The following ZNF226 variants were observed in gnomAD, a reference collection of about 807,000 sequenced individuals.
ZNF226 encodes the protein zinc finger protein 226, also known as Kruppel-associated box protein.
ZNF226 carries 6 observed loss-of-function variants against 11.4 expected under a neutral mutation model. That is an observed-to-expected ratio of 0.53 (90% CI 0.29 to 1.04). The LOEUF is 1.04. Among genes scored for constraint, ZNF226 ranks in the 50% least tolerant of loss-of-function variants. The pLI is 0.08. For missense variants in ZNF226, 1,058 were observed against 956.5 expected (o/e 1.11, Z -1.40); for synonymous variants, 350 against 322.8 (o/e 1.08, Z -0.90).
the ZNF226 span, among the ~76,000 whole-genome samples, chr19:44,196,983 T>A: frequency 6.6e-6 from 1 of 152,330 alleles, no homozygotes; most frequent in East Asian, 1.9e-4. Context: ...CTCTCTCAAC[T>A]ATAATCACTT....
At chr19:44,165,833 G>A (rs1969303118) in intron 2 of ZNF226, 26 bp downstream of exon 2, 1 of 152,184 alleles carries the variant, frequency 6.6e-6, no homozygotes, top group South Asian at 2.1e-4. Context: ...TGTTATTCTT[G>A]TTTTATTCAC....
At position 44,176,973 on chromosome 19, in the gene ZNF226, A is replaced by C. The variant is rs1372684622; in HGVS notation, c.1711A>C (p.Ser571Arg). 6 of 1,613,930 alleles carry C rather than the reference A, an allele frequency of 3.7e-6. No individual in the cohort carries two copies. The South Asian group carries it at 6.6e-5, about 18-fold the overall frequency. Residue 571 changes from serine to arginine, a missense_variant, in exon 6 of 6, where the codon AGC becomes CGC. Coordinates refer to ENST00000337433, the MANE Select transcript of ZNF226 (RefSeq NM_001032373.2). Reference sequence around the variant, plus strand: ...GGAGTGTGGGCAGGGTTTCAATCAGAGCTCACGACTTCAGATTCACCAGCT... The same window carrying C: ...GGAGTGTGGGCAGGGTTTCAATCAGCGCTCACGACTTCAGATTCACCAGCT... ...CEECGQGFNQSSRLQIHQLIH... is the reference protein window; with the variant it reads ...CEECGQGFNQRSRLQIHQLIH...
chr19:44,183,271 G>T (rs1014895540), downstream of ZNF226, among the ~76,000 whole-genome samples: 7 of 152,116 alleles, frequency 4.6e-5, no homozygotes, highest in African/African-American at 1.7e-4. Flanking sequence ...AATAATTAAT[G>T]AATGTTTTTG....
chr19:44,174,919 T>C (rs1970539773), intron 5 of ZNF226: 1 of 1,470,724 alleles, frequency 6.8e-7, no homozygotes, highest in Non-Finnish European at 9.4e-7. Context: ...GGTGTACCCC[T>C]ACCTCAGGTA....
At chr19:44,174,130 A>G (rs556522391) in intron 5 of ZNF226, 3 of 138,224 alleles carry the variant, frequency 2.2e-5, no homozygotes, top group South Asian at 5.4e-4. Flanking sequence ...ACCTAATTCT[A>G]ATTTCTCTTT....
the ZNF226 span, among the ~76,000 whole-genome samples, chr19:44,186,918 G>T: frequency 1.3e-5 from 2 of 150,324 alleles, no homozygotes; most frequent in African/African-American, 4.9e-5. Flanking sequence ...TTTGTTATGT[G>T]GTGTATTACA....
At position 44,175,639 on chromosome 19, in the gene ZNF226, A is replaced by T. The variant is rs752005750; in HGVS notation, c.377A>T (p.Lys126Ile). The change falls in exon 6 of 6, where the codon AAA becomes ATA. Residue 126 changes from lysine (K) to isoleucine (I), a missense_variant. By Grantham distance (102) the Lys-to-Ile change is moderately radical (BLOSUM62 -3). Coordinates refer to ENST00000337433, the MANE Select transcript of ZNF226 (RefSeq NM_001032373.2). ...ATGATCAATAATTCTCAGTGTCACA[A>T]ACAAGGTGATTTCCCTTACCAGGTA... ...DSMINNSQCH[K>I]QGDFPYQVGT... The T allele has an allele frequency of 4.8e-5, 77 of 1,613,830 alleles. No individual in the cohort carries two copies. The highest frequency in any genetic ancestry group is 6.4e-5 in the Non-Finnish European group (75 of 1,179,850).
At chr19:44,180,834 C>A (rs1970896148), downstream of ZNF226, among the ~76,000 whole-genome samples, 1 of 152,126 alleles carries the variant, frequency 6.6e-6, no homozygotes, top group African/African-American at 2.4e-5. Context: ...GTCAGGATTC[C>A]AAAATGATTT....
chr19:44,168,769 T>C (rs1969702056), intron 2 of ZNF226, among the ~76,000 whole-genome samples: 1 of 152,138 alleles, frequency 6.6e-6, no homozygotes, highest in African/African-American at 2.4e-5. Context: ...GGATAAAATG[T>C]CTGCCAGGTT....
Position 44,170,029 on chromosome 19 carries a change from T to G in ZNF226, c.-46-6T>G. 6.4e-7 allele frequency: 1 copy of G among 1,574,656 alleles called. No homozygotes were observed. Among genetic ancestry groups the G allele is most frequent in the South Asian group, 1.2e-5 (1 of 85,998 alleles). ...AGTTTTGATTTATTTCTCTCTTCTT[T>G]CCTAGTTCAGCTTCTTAGGACTCTG... On this transcript the variant is annotated splice_region_variant and splice_polypyrimidine_tract_variant and intron_variant, in intron 2 of 5. Coordinates refer to ENST00000337433, the MANE Select transcript of ZNF226 (RefSeq NM_001032373.2).
Position 44,176,284 on chromosome 19 carries a change from G to T in ZNF226, c.1022G>T (p.Gly341Val), listed in dbSNP as rs1599736906. 4 of 1,614,186 alleles carry T rather than the reference G, an allele frequency of 2.5e-6. No homozygotes were observed. In the South Asian group the frequency reaches 4.4e-5, roughly 18 times the overall value. Residue 341 changes from glycine to valine, a missense_variant, in exon 6 of 6, where the codon GGG (glycine) becomes GTG (valine). By Grantham distance (109) the Gly-to-Val change is moderately radical (BLOSUM62 -3). Transcript: ENST00000337433. ...AAACCATACAAATGTAAGCAATGTG[G>T]GAAAGGTTTCAGTCGTAGATCAGCA... ...IEKPYKCKQC[G>V]KGFSRRSALN...
intron 2 of ZNF226, among the ~76,000 whole-genome samples, chr19:44,168,120 G>A (rs1680977688): frequency 1.3e-5 from 2 of 152,118 alleles, no homozygotes; most frequent in Admixed American, 1.3e-4. Flanking sequence ...TTCTCTCTGT[G>A]TTACAAGCTG....
At chr19:44,165,427 A>G (rs931353088) in intron 1 of ZNF226, among the ~76,000 whole-genome samples, 1 of 152,134 alleles carries the variant, frequency 6.6e-6, no homozygotes, top group Non-Finnish European at 1.5e-5. Context: ...ATACAGTATC[A>G]CATTGAGCGA....
In ZNF226 at chr19:44,176,018, C is replaced by T. The variant is rs772348951; in HGVS notation, c.756C>T (p.Tyr252=). ...NSMIHTGQKS[Y]QCNECKKPFS... ...TGATTCACACAGGACAGAAATCGTACCAGTGTAATGAGTGTAAAAAACCCT... is the reference window on the plus strand; with the variant it reads ...TGATTCACACAGGACAGAAATCGTATCAGTGTAATGAGTGTAAAAAACCCT... The change falls in exon 6 of 6, where the codon TAC becomes TAT. Residue 252 remains tyrosine, a synonymous_variant. Coordinates refer to ENST00000337433, the MANE Select transcript of ZNF226 (RefSeq NM_001032373.2). The T allele has an allele frequency of 3.5e-5, 57 of 1,613,718 alleles. No individual in the cohort carries two copies. In the South Asian group the frequency reaches 5.7e-4, roughly 16 times the overall value.
At chr19:44,169,472 C>A (rs1969822460) in intron 2 of ZNF226, 1 of 152,222 alleles carries the variant, frequency 6.6e-6, no homozygotes, top group Admixed American at 6.5e-5. Context: ...TAGCAACAAC[C>A]TGTGAACTCC....
chr19:44,170,664 G>A (rs960870593), intron 3 of ZNF226, among the ~76,000 whole-genome samples: 4 of 152,202 alleles, frequency 2.6e-5, no homozygotes, highest in Non-Finnish European at 5.9e-5. Context: ...AACCTGGGAG[G>A]CGGAGCTTGC....
At chr19:44,181,429 C>T (rs1468742161), downstream of ZNF226, among the ~76,000 whole-genome samples, 1 of 151,620 alleles carries the variant, frequency 6.6e-6, no homozygotes, top group Non-Finnish European at 1.5e-5. Flanking sequence ...GACTCAACTT[C>T]CCTATTTTGA....
chr19:44,179,585 T>G (rs564049646), downstream of ZNF226, among the ~76,000 whole-genome samples: 17 of 152,288 alleles, frequency 1.1e-4, no homozygotes, highest in African/African-American at 4.1e-4. Flanking sequence ...TAGGTACAAA[T>G]CTATGCAATC....
intron 5 of ZNF226, chr19:44,174,836 A>T: frequency 5.8e-6 from 4 of 694,056 alleles, no homozygotes; most frequent in Non-Finnish European, 9.3e-6. Flanking sequence ...GATCCAGTGC[A>T]TAGGTCTTCA....
Sources: allele counts gnomAD v4.1 joint callset (sites outside exome capture counted in the v4.1 genomes callset), GRCh38; gene constraint gnomAD v4.1.1; transcripts MANE v1.5; gene names NCBI Gene and HGNC (gene_info 2026-07-23, HGNC 2026-07-21).